The following FRMD4A variants were observed in gnomAD, a reference collection of about 807,000 sequenced individuals.
The protein encoded by FRMD4A is FERM domain containing 4A.
Under a neutral mutation model 129.1 loss-of-function variants are expected in FRMD4A, and 29 were observed. The ratio of observed to expected loss-of-function variants is 0.22; its 90% CI spans 0.17 to 0.31. The LOEUF (loss-of-function observed/expected upper bound fraction) is 0.31. FRMD4A is among the 10% of genes least tolerant of loss of function. The probability of loss-of-function intolerance (pLI) is 1.00; values close to 1 mark genes in which losing one functional copy is unlikely to be tolerated. For synonymous variants in FRMD4A, 634 were observed against 571.6 expected (o/e 1.11, Z -1.56); for missense variants, 1,272 against 1,375.8 (o/e 0.92, Z 1.19).
At chr10:13,890,916 C>T in intron 2 of FRMD4A, 1 of 945,978 alleles carries the variant, frequency 1.1e-6, no homozygotes, top group Non-Finnish European at 1.3e-6. Flanking sequence ...CGAACAGTTA[C>T]TCTGCTAACA....
chr10:13,999,844 A>T (rs759466505), intron 2 of FRMD4A, among the ~76,000 whole-genome samples: 2 of 152,228 alleles, frequency 1.3e-5, no homozygotes, highest in Non-Finnish European at 2.9e-5. Flanking sequence ...TGGTGATGAC[A>T]CGGATGTTCG....
intron 2 of FRMD4A, among the ~76,000 whole-genome samples, chr10:14,005,429 G>C (rs2095658898): frequency 6.6e-6 from 1 of 152,154 alleles, no homozygotes; most frequent in Admixed American, 6.5e-5. Flanking sequence ...AGGATTTGGT[G>C]GATGTCTAAG....
At position 13,939,612 on chromosome 10, in the gene FRMD4A, T is replaced by C. The variant is rs186600135; in HGVS notation, c.46-80700A>G. 8.7e-4 allele frequency among the ~76,000 whole-genome samples: 133 copies of C among 152,322 alleles called. 2 individuals are homozygous for C. Among genetic ancestry groups the C allele is most frequent in the Admixed American group, 8.7e-3 (133 of 15,294 alleles). ...ATGTCCATATGTCAAAGGTCAATGA[T>C]ATAAAAGTATTCTAATTTAATAGCA... On this transcript the variant is annotated intron_variant, in intron 2 of 24. Coordinates refer to ENST00000357447, the MANE Select transcript of FRMD4A (RefSeq NM_018027.5).
At chr10:13,983,312 C>T (rs557295038) in intron 2 of FRMD4A, among the ~76,000 whole-genome samples, 4 of 152,096 alleles carry the variant, frequency 2.6e-5, no homozygotes, top group South Asian at 2.1e-4. Flanking sequence ...TCCCCTGAGC[C>T]GAGGCAACCG....
intron 2 of FRMD4A, among the ~76,000 whole-genome samples, chr10:14,059,672 A>G (rs1834713485): frequency 6.6e-6 from 1 of 152,200 alleles, no homozygotes; most frequent in Non-Finnish European, 1.5e-5. Flanking sequence ...TTGTTATAGC[A>G]GCCTCAGCAG....
intron 3 of FRMD4A, among the ~76,000 whole-genome samples, chr10:13,848,609 CGTGTGTGTGTGTGT>C (rs59271113): frequency 8.1e-6 from 1 of 124,018 alleles, no homozygotes; most frequent in African/African-American, 3.0e-5. Context: ...TGTGTGTGTA[CGTGTGTGTGTGTGT>C]GTGTGTGTGT....
At chr10:14,138,224 G>C (rs1329136488) in intron 2 of FRMD4A, among the ~76,000 whole-genome samples, 1 of 152,122 alleles carries the variant, frequency 6.6e-6, no homozygotes, top group Non-Finnish European at 1.5e-5. Flanking sequence ...TCAGGTGTTG[G>C]TAACACCAAG....
chr10:13,652,981 C>T (rs2081787769), intron 23 of FRMD4A: 1 of 151,634 alleles, frequency 6.6e-6, no homozygotes, highest in South Asian at 2.2e-4. Context: ...AGCTGGAATT[C>T]CAGCTCCCTC....
chr10:13,712,460 G>A (rs371218556), intron 12 of FRMD4A, among the ~76,000 whole-genome samples: 1 of 151,332 alleles, frequency 6.6e-6, no homozygotes, highest in South Asian at 2.1e-4. Flanking sequence ...GTTGCAGTGA[G>A]CCGAGATCTT....
chr10:14,161,104 G>C (rs1840863426), intron 2 of FRMD4A, among the ~76,000 whole-genome samples: 1 of 152,106 alleles, frequency 6.6e-6, no homozygotes, highest in Non-Finnish European at 1.5e-5. Context: ...ACAGGCACCT[G>C]CCACCACACC....
intron 2 of FRMD4A, among the ~76,000 whole-genome samples, chr10:14,292,595 T>C (rs1415453484): frequency 6.6e-6 from 1 of 152,174 alleles, no homozygotes; most frequent in African/African-American, 2.4e-5. Context: ...GTCAGGAGAT[T>C]GAGATCATCC....
At chr10:14,141,794 G>C (rs1839848275) in intron 2 of FRMD4A, among the ~76,000 whole-genome samples, 1 of 147,780 alleles carries the variant, frequency 6.8e-6, no homozygotes, top group South Asian at 2.3e-4. Flanking sequence ...CTGATTTAGA[G>C]TTAGAGGTGT....
chr10:14,028,699 T>C (rs1336545985), intron 2 of FRMD4A, among the ~76,000 whole-genome samples: 2 of 152,188 alleles, frequency 1.3e-5, no homozygotes, highest in Non-Finnish European at 2.9e-5. Context: ...TGCACGCTTG[T>C]ATCGATATCC....
At chr10:14,055,456 CACACAA>C (rs750190738) in intron 2 of FRMD4A, among the ~76,000 whole-genome samples, 6,067 of 24,450 alleles carry the variant, frequency 0.25, 170 homozygotes, top group Admixed American at 0.36. Flanking sequence ...CACACACACA[CACACAA>C]ACACACACAC....
chr10:14,166,159 T>A (rs186069039), intron 2 of FRMD4A, among the ~76,000 whole-genome samples: 3 of 150,636 alleles, frequency 2.0e-5, no homozygotes, highest in Admixed American at 2.0e-4. Context: ...TCAATGCCAA[T>A]GTTATATAAA....
At chr10:13,983,443 A>G (rs555151632) in intron 2 of FRMD4A, among the ~76,000 whole-genome samples, 30 of 152,288 alleles carry the variant, frequency 2.0e-4, no homozygotes, top group African/African-American at 5.5e-4. Context: ...TTGAAAATCT[A>G]TAAGGACAAT....
intron 2 of FRMD4A, chr10:13,972,418 G>T: frequency 1.7e-6 from 1 of 594,548 alleles, no homozygotes; most frequent in Non-Finnish European, 2.1e-6. Flanking sequence ...TTCTTTGGAA[G>T]CGTCCCAAGT....
chr10:14,281,111 GC>G (rs775857952), intron 2 of FRMD4A, among the ~76,000 whole-genome samples: 115 of 146,456 alleles, frequency 7.9e-4, no homozygotes, highest in Non-Finnish European at 8.8e-4. Flanking sequence ...TCCTGCCTCA[GC>G]CCCCCAAGTA....
chr10:13,709,208 C>A (rs902395725), intron 12 of FRMD4A, among the ~76,000 whole-genome samples: 1 of 152,222 alleles, frequency 6.6e-6, no homozygotes, highest in African/African-American at 2.4e-5. Flanking sequence ...AAGTGATCTG[C>A]CCGCCTCGGC....
Sources: gnomAD v4.1 joint callset for allele counts (sites outside exome capture counted in the v4.1 genomes callset) on GRCh38, gnomAD v4.1.1 for gene constraint, MANE v1.5 for transcripts, NCBI Gene and HGNC (gene_info 2026-07-23, HGNC 2026-07-21) for gene names.